The following HNRNPLL variants were observed in gnomAD, a reference collection of about 807,000 sequenced individuals.
The protein encoded by HNRNPLL is heterogeneous nuclear ribonucleoprotein L-like.
HNRNPLL carries 25 observed loss-of-function variants against 67.1 expected under a neutral mutation model. The observed-to-expected ratio is 0.37, with a 90% CI of 0.27 to 0.52. The LOEUF is 0.52. HNRNPLL is among the 20% of genes least tolerant of loss of function. The pLI is 0.90. For missense variants in HNRNPLL, 542 were observed against 673.9 expected (o/e 0.80, Z 2.17); for synonymous variants, 267 against 241.7 (o/e 1.10, Z -0.97).
intron 8 of HNRNPLL, among the ~76,000 whole-genome samples, chr2:38,572,283 G>T (rs1666120852): frequency 6.6e-6 from 1 of 151,986 alleles, no homozygotes; most frequent in African/African-American, 2.4e-5. Flanking sequence ...TCATAATTCT[G>T]AAGGGTTGCT....
chr2:38,594,142 T>C (rs1667079998), intron 1 of HNRNPLL, among the ~76,000 whole-genome samples: 2 of 151,956 alleles, frequency 1.3e-5, no homozygotes, highest in South Asian at 4.2e-4. Context: ...GCCACTGCAC[T>C]CCAGCCTGGG....
intron 1 of HNRNPLL, among the ~76,000 whole-genome samples, chr2:38,591,993 T>A (rs1316058959): frequency 2.6e-5 from 4 of 151,914 alleles, no homozygotes; most frequent in Admixed American, 2.0e-4. Context: ...ACAAAAAAAA[T>A]TTAAGTCTAA....
intron 1 of HNRNPLL, among the ~76,000 whole-genome samples, chr2:38,592,879 T>C (rs1667019149): frequency 6.6e-6 from 1 of 152,242 alleles, no homozygotes; most frequent in Non-Finnish European, 1.5e-5. Flanking sequence ...ACCATTAAAA[T>C]TTAACAATTG....
Position 38,600,025 on chromosome 2 carries a change from G to C in HNRNPLL, c.189+2413C>G, listed in dbSNP as rs116246106. On this transcript the variant is annotated intron_variant, in intron 1 of 12. Transcript: ENST00000449105. ...CATGTGAACGAAGAAGCACAAGACA[G>C]TAAACTTCTATCCGGGGAACGTCTA... is the stretch of plus-strand genomic sequence containing the variant. The C allele has an allele frequency of 1.3e-3, 527 of 403,632 alleles. 5 individuals carry two copies. The highest frequency in any genetic ancestry group is 0.01 in the African/African-American group (487 of 47,368). 25.0% of individuals were successfully genotyped at this position (403,632 alleles called of 1,614,324 possible).
chr2:38,592,572 G>A (rs1452890073), intron 1 of HNRNPLL, among the ~76,000 whole-genome samples: 2 of 152,160 alleles, frequency 1.3e-5, no homozygotes, highest in Non-Finnish European at 2.9e-5. Flanking sequence ...GGGCATCTAC[G>A]GAATATTGTG....
intron 7 of HNRNPLL, among the ~76,000 whole-genome samples, chr2:38,574,701 T>C (rs1666232265): frequency 6.6e-6 from 1 of 151,812 alleles, no homozygotes; most frequent in Admixed American, 6.6e-5. Context: ...TGTGAATTTC[T>C]GCAATTTTAG....
At chr2:38,573,675 C>A (rs1169511451) in intron 7 of HNRNPLL, among the ~76,000 whole-genome samples, 2 of 151,828 alleles carry the variant, frequency 1.3e-5, no homozygotes, top group African/African-American at 2.4e-5. Flanking sequence ...TATAAGCTTA[C>A]ATTTTTAAAA....
chr2:38,576,447 A>G (rs943578555), intron 7 of HNRNPLL, among the ~76,000 whole-genome samples: 3 of 151,882 alleles, frequency 2.0e-5, no homozygotes, highest in African/African-American at 7.2e-5. Context: ...AACCAGCTGT[A>G]ATGAGATTTT....
chr2:38,582,237 G>T, intron 4 of HNRNPLL, 69 bp from the exon 5 acceptor site: 1 of 997,890 alleles, frequency 1.0e-6, no homozygotes, highest in Non-Finnish European at 1.6e-6. Flanking sequence ...CCAAAGGACA[G>T]GATTGAAAAT....
chr2:38,577,425 C>A, intron 7 of HNRNPLL, 36 bp downstream of exon 7: 2 of 1,263,368 alleles, frequency 1.6e-6, no homozygotes, highest in South Asian at 1.2e-5. Context: ...TCAAACAGTT[C>A]ATCTATACTA....
At chr2:38,584,932 TAA>T (rs1315355035) in intron 3 of HNRNPLL, among the ~76,000 whole-genome samples, 17 of 151,894 alleles carry the variant, frequency 1.1e-4, no homozygotes, top group Non-Finnish European at 2.2e-4. Flanking sequence ...TATATATTAA[TAA>T]GTCTATATTT....
chr2:38,590,859 C>G (rs576466888), intron 2 of HNRNPLL, among the ~76,000 whole-genome samples: 51 of 152,098 alleles, frequency 3.4e-4, no homozygotes, highest in African/African-American at 1.1e-3. Flanking sequence ...TTTTAAATTA[C>G]CCGGGCATAG....
chr2:38,596,165 T>C (rs929149516), intron 1 of HNRNPLL, among the ~76,000 whole-genome samples: 5 of 152,162 alleles, frequency 3.3e-5, no homozygotes, highest in African/African-American at 1.2e-4. Flanking sequence ...CTCCTGAGCT[T>C]CGTTTTCCCC....
chr2:38,601,558 C>G (rs925593752), intron 1 of HNRNPLL: 2 of 152,206 alleles, frequency 1.3e-5, no homozygotes, highest in African/African-American at 4.8e-5. Flanking sequence ...AAGTCTCCAT[C>G]CAACTGAAGC....
Position 38,602,654 on chromosome 2 carries a change from G to T in HNRNPLL, c.-28C>A. On this transcript the variant is annotated 5_prime_UTR_variant, in exon 1 of 13. In the 5' UTR this introduces an upstream ATG that the reference lacks. Transcript: ENST00000449105. The stretch of plus-strand genomic sequence containing the variant: ...CGGCGGCCGGAGGGACCGGCTGGCA[G>T]GCGGGTGGGGGTGGCGGTGGGGCGC... 1 of 1,478,220 alleles carries T rather than the reference G, an allele frequency of 6.8e-7. No homozygotes were observed. Among genetic ancestry groups the T allele is most frequent in the East Asian group, 2.9e-5 (1 of 34,698 alleles). The allele number at this position is 1,478,220 out of a possible 1,614,324, so 91.6% of individuals were successfully genotyped here. A position where few individuals can be genotyped will look rare whatever the true frequency, so the allele number is the denominator to read the frequency against.
chr2:38,600,138 AAAC>A (rs1667365734), intron 1 of HNRNPLL: 4 of 218,878 alleles, frequency 1.8e-5, no homozygotes, highest in African/African-American at 9.4e-5. Context: ...AAATATTTAA[AAAC>A]AAGATAAACA....
chr2:38,595,888 T>C (rs1040255638), intron 1 of HNRNPLL, among the ~76,000 whole-genome samples: 1 of 152,160 alleles, frequency 6.6e-6, no homozygotes, highest in South Asian at 2.1e-4. Flanking sequence ...GTATGGTAAT[T>C]AGGGGAAGAT....
chr2:38,592,131 T>C (rs768402352), intron 1 of HNRNPLL, among the ~76,000 whole-genome samples: 27 of 152,226 alleles, frequency 1.8e-4, no homozygotes, highest in Admixed American at 1.2e-3. Flanking sequence ...TGTTTTAAAA[T>C]TTTTAATTTC....
chr2:38,580,963 A>G (rs1031490986), intron 6 of HNRNPLL: 1 of 152,228 alleles, frequency 6.6e-6, no homozygotes, highest in African/African-American at 2.4e-5. Flanking sequence ...AACCACACAG[A>G]AGAACGTCTT....
Sources: gnomAD v4.1 joint callset for allele counts (sites outside exome capture counted in the v4.1 genomes callset) on GRCh38, gnomAD v4.1.1 for gene constraint, MANE v1.5 for transcripts, NCBI Gene and HGNC (gene_info 2026-07-23, HGNC 2026-07-21) for gene names.